Variants in KIRREL3 observed in about 807,000 individuals in gnomAD.
KIRREL3 encodes kin of IRRE-like protein 3.
Under a neutral mutation model 89.7 loss-of-function variants are expected in KIRREL3, and 36 were observed. The observed-to-expected ratio is 0.40, with a 90% confidence interval of 0.31 to 0.53. KIRREL3 has a LOEUF of 0.53. Ranked by LOEUF, KIRREL3 falls within the 20% of genes least tolerant of loss-of-function variation. The pLI is 0.49. For missense variants in KIRREL3, 864 were observed against 1,056.6 expected, an observed-to-expected ratio of 0.82 and a Z score of 2.53; for synonymous variants, 445 against 441.4, an observed-to-expected ratio of 1.01 and a Z score of -0.10.
At position 126,471,920 on chromosome 11, in the gene KIRREL3, C is replaced by A. The variant is rs1462605235; in HGVS notation, c.591+1389G>T. 1.3e-5 allele frequency among the ~76,000 whole-genome samples: 2 copies of A among 152,118 alleles called. No individual in the cohort carries two copies. The highest frequency in any genetic ancestry group is 4.8e-5 in the African/African-American group (2 of 41,394). ...CTTGGTATCGTGTGTGAATTAGAGA[C>A]CAGAACCCCTGTTGGTAGACACAGC... is the stretch of plus-strand genomic sequence containing the variant. On this transcript the variant is annotated intron_variant, in intron 5 of 16. Coordinates refer to ENST00000525144, the MANE Select transcript of KIRREL3 (RefSeq NM_032531.4). This position sits in a 1 kb window ranked among gnomAD's most constrained non-coding sequence, Gnocchi z 5.4.
intron 1 of KIRREL3, among the ~76,000 whole-genome samples, chr11:126,815,316 A>G (rs1951520847): frequency 6.6e-6 from 1 of 152,128 alleles, no homozygotes; most frequent in African/African-American, 2.4e-5. Context: ...AGCCTAGTGA[A>G]TGAGTCACAC....
rs10790803 is a variant in KIRREL3, at chr11:126,432,289, T to C, written c.1589-763A>G. 0.69 allele frequency among the ~76,000 whole-genome samples: 104,462 copies of C among 152,032 alleles called. 36,714 individuals carry two copies. Among genetic ancestry groups the C allele is most frequent in the East Asian group, 0.94 (4,830 of 5,148 alleles). ...AGCCCTCACCCCTGCTGAGTCTCTG[T>C]GGCCTGTCTCCTGCCCAAGCCGAGT... On this transcript the variant is annotated intron_variant, in intron 13 of 16. Coordinates refer to ENST00000525144, the MANE Select transcript of KIRREL3 (RefSeq NM_032531.4). This position sits in a 1 kb window ranked among gnomAD's most constrained non-coding sequence, Gnocchi z 6.2.
Position 126,437,012 on chromosome 11 carries a change from G to GC in KIRREL3, c.1354-4dup, listed in dbSNP as rs752429556. 3.4e-5 allele frequency: 51 copies of GC among 1,521,086 alleles called. No homozygotes were observed. In the African/African-American group the frequency reaches 4.9e-4, roughly 15 times the overall value. 94.2% of individuals were successfully genotyped at this position (1,521,086 alleles called of 1,614,324 possible). On this transcript the variant is annotated splice_region_variant and splice_polypyrimidine_tract_variant and intron_variant, in intron 11 of 16. Coordinates refer to ENST00000525144, the MANE Select transcript of KIRREL3 (RefSeq NM_032531.4). ...ACGTTCTCCTTCCAGGACCAGGCCT[G>GC]CCCGGGGGCGCAGAATCAGGAGGAG...
rs959208068 is a variant in KIRREL3 at position 126,655,306 on chromosome 11, A to G, written c.56-92394T>C. Among the ~76,000 whole-genome samples, 42 of 152,296 alleles carry G rather than the reference A, an allele frequency of 2.8e-4. No homozygotes were observed. The highest frequency in any genetic ancestry group is 9.6e-4 in the African/African-American group (40 of 41,568). ...GAAAACAATGTGAGCAGTATCTCTC[A>G]AAATTAGGTCAGGGCTTGCAGAGGC... On this transcript the variant is annotated intron_variant, in intron 1 of 16. Coordinates refer to ENST00000525144, the MANE Select transcript of KIRREL3 (RefSeq NM_032531.4). This position sits in a 1 kb window ranked among gnomAD's most constrained non-coding sequence, Gnocchi z 5.0.
At chr11:126,493,214 G>A (rs183541942) in intron 4 of KIRREL3, among the ~76,000 whole-genome samples, 67 of 152,336 alleles carry the variant, frequency 4.4e-4, no homozygotes, top group Non-Finnish European at 7.5e-4. Context: ...TGCCTCTCAG[G>A]CATCATGCAA....
In KIRREL3 at chr11:126,797,906, A is replaced by T. The variant is rs1472117492; in HGVS notation, c.55+202549T>A. Among the ~76,000 whole-genome samples, 2 of 152,226 alleles carry T rather than the reference A, an allele frequency of 1.3e-5. No individual in the cohort carries two copies. Among genetic ancestry groups the T allele is most frequent in the Non-Finnish European group, 2.9e-5 (2 of 68,046 alleles). Reference sequence around the variant, plus strand: ...CTCAAAATGATTCATCTGCATGTACATGCTGATCCTGAGGGCCTATGGACA... The same window carrying T: ...CTCAAAATGATTCATCTGCATGTACTTGCTGATCCTGAGGGCCTATGGACA... On this transcript the variant is annotated intron_variant, in intron 1 of 16. Transcript: ENST00000525144. This position sits in a 1 kb window ranked among gnomAD's most constrained non-coding sequence, Gnocchi z 4.9.
At position 126,551,883 on chromosome 11, in the gene KIRREL3, T is replaced by C. The variant is rs1167510804; in HGVS notation, c.133+10952A>G. 6.6e-6 allele frequency among the ~76,000 whole-genome samples: 1 copy of C among 152,178 alleles called. No individual in the cohort carries two copies. The highest frequency in any genetic ancestry group is 1.5e-5 in the Non-Finnish European group (1 of 68,036). Reference sequence around the variant, plus strand: ...CTGGTCTTGAACTCCTGACCTCAGGTGATCCACCCGCCTTGGCCTCCCAAA... The same window carrying C: ...CTGGTCTTGAACTCCTGACCTCAGGCGATCCACCCGCCTTGGCCTCCCAAA... On this transcript the variant is annotated intron_variant, in intron 2 of 16. Coordinates refer to ENST00000525144, the MANE Select transcript of KIRREL3 (RefSeq NM_032531.4). This position sits in a 1 kb window ranked among gnomAD's most constrained non-coding sequence, Gnocchi z 4.9.
At chr11:126,746,658 C>A (rs774764652) in intron 1 of KIRREL3, among the ~76,000 whole-genome samples, 101 of 152,206 alleles carry the variant, frequency 6.6e-4, no homozygotes, top group Non-Finnish European at 1.3e-3. Context: ...CCTAACCACA[C>A]CCTGATCTCT....
chr11:126,958,176 A>C (rs2135170584), intron 1 of KIRREL3, among the ~76,000 whole-genome samples: 1 of 152,356 alleles, frequency 6.6e-6, no homozygotes, highest in Non-Finnish European at 1.5e-5. Flanking sequence ...GTTGCAGTTT[A>C]AAAAATAATA....
In KIRREL3 at chr11:126,471,643, G is replaced by A. The variant is rs1956895164; in HGVS notation, c.591+1666C>T. 6.6e-6 allele frequency among the ~76,000 whole-genome samples: 1 copy of A among 152,072 alleles called. No individual in the cohort carries two copies. The highest frequency in any genetic ancestry group is 1.5e-5 in the Non-Finnish European group (1 of 68,020). ...CCCTGAGCTGTAGGGGTGGTCTGATGTGTGGCCCTGGGGAGATTTAGGGTA... is the reference window on the plus strand; with the variant it reads ...CCCTGAGCTGTAGGGGTGGTCTGATATGTGGCCCTGGGGAGATTTAGGGTA... On this transcript the variant is annotated intron_variant, in intron 5 of 16. Coordinates refer to ENST00000525144, the MANE Select transcript of KIRREL3 (RefSeq NM_032531.4). This position sits in a 1 kb window ranked among gnomAD's most constrained non-coding sequence, Gnocchi z 5.4.
intron 1 of KIRREL3, chr11:126,681,650 T>A (rs1946461595): frequency 3.2e-6 from 1 of 316,068 alleles, no homozygotes; most frequent in Admixed American, 4.2e-5. Flanking sequence ...ACACTGGAGA[T>A]CAGTGCTTGA....
chr11:126,436,713 C>G (rs937305400), intron 12 of KIRREL3, 98 bp downstream of exon 12: 2 of 1,317,108 alleles, frequency 1.5e-6, no homozygotes, highest in East Asian at 4.8e-5. Flanking sequence ...TCCTTGGGCC[C>G]TGGCCCACCT....
rs1343131042 is a variant in KIRREL3 at position 126,569,263 on chromosome 11, C to G, written c.56-6351G>C. 3.3e-5 allele frequency among the ~76,000 whole-genome samples: 5 copies of G among 152,134 alleles called. No homozygotes were observed. The highest frequency in any genetic ancestry group is 5.9e-5 in the Non-Finnish European group (4 of 68,028). On this transcript the variant is annotated intron_variant, in intron 1 of 16. Coordinates refer to ENST00000525144, the MANE Select transcript of KIRREL3 (RefSeq NM_032531.4). The surrounding 1 kb of genome is among the most constrained non-coding windows in gnomAD (Gnocchi z 6.5). The stretch of plus-strand genomic sequence containing the variant: ...TTACTGTGTTCGAGGTGACAAGGTT[C>G]TAAAGTGAAGAGGACTTGGATGATC...
chr11:126,576,199 T>G lies in KIRREL3; in HGVS notation c.56-13287A>C, dbSNP rs1343043596. ...CTGGGGGCCAAGATGAGGGCTGAGG[T>G]CTGAGATCTCTGCTGGTTTGAGAAT... On this transcript the variant is annotated intron_variant, in intron 1 of 16. Transcript: ENST00000525144. The surrounding 1 kb of genome is among the most constrained non-coding windows in gnomAD (Gnocchi z 5.4). Among the ~76,000 whole-genome samples, 1 of 152,212 alleles carries G rather than the reference T, an allele frequency of 6.6e-6. No individual in the cohort carries two copies. The highest frequency in any genetic ancestry group is 2.4e-5 in the African/African-American group (1 of 41,456).
intron 1 of KIRREL3, among the ~76,000 whole-genome samples, chr11:126,711,397 C>T (rs899280522): frequency 6.6e-6 from 1 of 152,262 alleles, no homozygotes; most frequent in East Asian, 1.9e-4. Flanking sequence ...CCCACCTCTA[C>T]TAAAAATACA....
At position 126,579,489 on chromosome 11, in the gene KIRREL3, T is replaced by C. The variant is rs114933050; in HGVS notation, c.56-16577A>G. Among the ~76,000 whole-genome samples the C allele has an allele frequency of 9.2e-4, 140 of 152,188 alleles. 1 individual carries two copies. The highest frequency in any genetic ancestry group is 3.3e-3 in the African/African-American group (136 of 41,542). On this transcript the variant is annotated intron_variant, in intron 1 of 16. Coordinates refer to ENST00000525144, the MANE Select transcript of KIRREL3 (RefSeq NM_032531.4). This position sits in a 1 kb window ranked among gnomAD's most constrained non-coding sequence, Gnocchi z 5.3. ...GTGTCCCCAGGAACCACTCTCTAAT[T>C]TAACGAATAACTTCTCTCATGAGCA...
chr11:126,514,050 G>A (rs1389630074), intron 4 of KIRREL3, among the ~76,000 whole-genome samples: 1 of 152,120 alleles, frequency 6.6e-6, no homozygotes, highest in Non-Finnish European at 1.5e-5. Flanking sequence ...AGGGGAATCT[G>A]CTTCTGGCCC....
intron 1 of KIRREL3, among the ~76,000 whole-genome samples, chr11:126,650,246 T>C (rs943937253): frequency 6.6e-5 from 10 of 152,250 alleles, no homozygotes; most frequent in Non-Finnish European, 1.0e-4. Flanking sequence ...CCCTAGAGAA[T>C]TTTCTCCATC....
chr11:126,773,657 G>A lies in KIRREL3; in HGVS notation c.56-210745C>T, dbSNP rs1565720033. On this transcript the variant is annotated intron_variant, in intron 1 of 16. Coordinates refer to ENST00000525144, the MANE Select transcript of KIRREL3 (RefSeq NM_032531.4). This position sits in a 1 kb window ranked among gnomAD's most constrained non-coding sequence, Gnocchi z 4.2. Reference sequence around the variant, plus strand: ...AGCACACTAGCTTCTGCCATAGGAAGAACATCAAGCTGTATGTATGTGTGT... The same window carrying A: ...AGCACACTAGCTTCTGCCATAGGAAAAACATCAAGCTGTATGTATGTGTGT... 6.6e-6 allele frequency among the ~76,000 whole-genome samples: 1 copy of A among 152,160 alleles called. No individual in the cohort carries two copies. Among genetic ancestry groups the A allele is most frequent in the Non-Finnish European group, 1.5e-5 (1 of 68,032 alleles).
Sources: gnomAD v4.1 joint callset for allele counts (sites outside exome capture counted in the v4.1 genomes callset) on GRCh38, gnomAD v4.1.1 for gene constraint, Gnocchi (gnomAD v3.1) non-coding constraint, MANE v1.5 for transcripts, NCBI Gene and HGNC (gene_info 2026-07-23, HGNC 2026-07-21) for gene names.